The following GUK1 variants were observed in gnomAD, a reference collection of about 807,000 sequenced individuals.
GUK1 encodes the protein guanylate kinase 1, also known as guanylate kinase.
In GUK1, 18 loss-of-function variants were observed where a neutral mutation model predicts 25.2. The ratio of observed to expected loss-of-function variants is 0.71; its 90% confidence interval spans 0.49 to 1.06. The LOEUF (loss-of-function observed/expected upper bound fraction) is 1.06. GUK1 is among the 50% of genes least tolerant of loss of function. The pLI, the probability that GUK1 is intolerant of heterozygous loss-of-function variation, is 0.00. For synonymous variants in GUK1, 105 were observed against 117.6 expected (o/e 0.89, Z 0.69); for missense variants, 261 against 276.7 (o/e 0.94, Z 0.40).
intron 5 of GUK1, among the ~76,000 whole-genome samples, 190 bp downstream of exon 4, chr1:228,147,128 G>A (rs918434055): frequency 1.3e-5 from 2 of 152,208 alleles, no homozygotes; most frequent in Non-Finnish European, 2.9e-5. Context: ...TGCTGGGCCC[G>A]GTCCTGCCAC....
At chr1:228,143,032 G>A (rs973644736) in intron 2 of GUK1, among the ~76,000 whole-genome samples, 3 of 152,162 alleles carry the variant, frequency 2.0e-5, no homozygotes, top group African/African-American at 7.2e-5. Context: ...GGGCGAACTG[G>A]TGTCTTCTGC....
rs1030393557 is a variant in GUK1 at position 228,148,892 on chromosome 1, C to T, written c.*195C>T. 16 of 1,396,300 alleles carry T rather than the reference C, an allele frequency of 1.1e-5. 1 individual carries two copies. Among genetic ancestry groups the T allele is most frequent in the Middle Eastern group, 3.6e-4 (2 of 5,572 alleles). The allele number at this position is 1,396,300 out of a possible 1,614,324, so 86.5% of individuals were successfully genotyped here. A position where few individuals can be genotyped will look rare whatever the true frequency, so the allele number is the denominator to read the frequency against. ...TCGCTGGGCTGTCCCCTGTCCCTAT[C>T]TCTCACTCTGGACCCAGGGCTGACA... On this transcript the variant is annotated 3_prime_UTR_variant, in exon 9 of 9. Coordinates refer to ENST00000312726, the MANE Select transcript of GUK1 (RefSeq NM_000858.7).
chr1:228,148,827 C>A lies in GUK1; in HGVS notation c.*130C>A. On this transcript the variant is annotated 3_prime_UTR_variant, in exon 9 of 9. Coordinates refer to ENST00000312726, the MANE Select transcript of GUK1 (RefSeq NM_000858.7). ...CATGTGGAGTGGAGGAGATGCTGCC[C>A]CTGTGGTTGGAACATCCTGGGGTGA... The A allele has an allele frequency of 6.4e-7, 1 of 1,560,894 alleles. No homozygotes were observed.
chr1:228,145,683 G>A (rs2034328109), intron 3 of GUK1, 59 bp downstream of exon 2: 1 of 1,565,792 alleles, frequency 6.4e-7, no homozygotes, highest in South Asian at 1.2e-5. Context: ...AGTAGTCCTA[G>A]CACCGTGAGC....
chr1:228,142,974 C>T (rs74140995), intron 2 of GUK1, among the ~76,000 whole-genome samples: 268 of 152,198 alleles, frequency 1.8e-3, no homozygotes, highest in African/African-American at 6.3e-3. Flanking sequence ...GCTGTGCAGA[C>T]GACGCCCTTG....
chr1:228,146,500 A>G, intron 4 of GUK1: 1 of 433,582 alleles, frequency 2.3e-6, no homozygotes, highest in Non-Finnish European at 4.2e-6. Flanking sequence ...ACCCCACCAC[A>G]TCGTCCCCTC....
At chr1:228,147,291 C>A in intron 5 of GUK1, 115 bp from the exon 5 acceptor site, 2 of 1,022,104 alleles carry the variant, frequency 2.0e-6, no homozygotes, top group Non-Finnish European at 2.9e-6. Flanking sequence ...CCAGGCCAGG[C>A]CTAGGCTCAG....
At chr1:228,142,591 G>A (rs993722767) in intron 2 of GUK1, among the ~76,000 whole-genome samples, 4 of 152,170 alleles carry the variant, frequency 2.6e-5, no homozygotes, top group Non-Finnish European at 5.9e-5. Flanking sequence ...GCCCACCAGC[G>A]TCTGCTGTCT....
At chr1:228,140,469 C>A in intron 1 of GUK1, 106 bp downstream of exon 1, 1 of 796,040 alleles carries the variant, frequency 1.3e-6, no homozygotes, top group South Asian at 1.9e-5. Context: ...TCCTCCTAGC[C>A]GAGACGCCCT....
rs1186770781 is a variant in GUK1, at chr1:228,148,771, GGCGATACGGCA to G, written c.*77_*87del. ...GCAGCATTGAGCCACCCCCTTGGCA[GGCGATACGGCA>G]GCTCTGTGCCCTTGGCCAGCATGTG... On this transcript the variant is annotated 3_prime_UTR_variant, in exon 9 of 9. Transcript: ENST00000312726. 1.2e-6 allele frequency: 2 copies of G among 1,609,618 alleles called. No homozygotes were observed. Among genetic ancestry groups the G allele is most frequent in the East Asian group, 4.5e-5 (2 of 44,680 alleles).
At chr1:228,143,451 A>G (rs893828019) in intron 2 of GUK1, among the ~76,000 whole-genome samples, 4 of 152,298 alleles carry the variant, frequency 2.6e-5, no homozygotes, top group African/African-American at 9.6e-5. Flanking sequence ...TCAAGTCATA[A>G]TTTCTGTGAT....
chr1:228,145,762 C>A (rs1453020402), intron 3 of GUK1, 138 bp downstream of exon 2: 2 of 1,019,558 alleles, frequency 2.0e-6, no homozygotes, highest in African/African-American at 1.6e-5. Context: ...ACACTCCCCC[C>A]CACACAGAAC....
chr1:228,141,584 C>T (rs1330437328), intron 2 of GUK1: 12 of 1,014,302 alleles, frequency 1.2e-5, no homozygotes, highest in Middle Eastern at 3.0e-4. Context: ...GTTAGCATCT[C>T]CTCGAACAGT....
intron 2 of GUK1, among the ~76,000 whole-genome samples, chr1:228,143,435 A>G (rs1247703975): frequency 6.6e-6 from 1 of 152,216 alleles, no homozygotes; most frequent in Non-Finnish European, 1.5e-5. Flanking sequence ...AGTCACCATA[A>G]TACCATCAAG....
In GUK1 at chr1:228,148,691, C is replaced by T. The variant is rs1203307584; in HGVS notation, c.588C>T (p.Gly196=). The T allele has an allele frequency of 3.2e-5, 51 of 1,602,032 alleles. No homozygotes were observed. Among genetic ancestry groups the T allele is most frequent in the Admixed American group, 6.7e-5 (4 of 59,896 alleles). The change falls in exon 9 of 9, where the codon GGC becomes GGT. Residue 196 remains glycine (G), a synonymous_variant. Transcript: ENST00000312726. ...AAATCAAGAAAGCTCAAAGGACCGG[C>T]GCCTGAGGCTTGCTGTCTGTTCTCG...
Position 228,141,133 on chromosome 1 carries a change from G to A in GUK1, c.-158G>A. Reference sequence around the variant, plus strand: ...CCCCTTCCTGTCTCAGGCTTGCTCTGCTCTTTACCTGGGGTTGCTGTCGAG... The same window carrying A: ...CCCCTTCCTGTCTCAGGCTTGCTCTACTCTTTACCTGGGGTTGCTGTCGAG... On this transcript the variant is annotated 5_prime_UTR_variant, in exon 2 of 9. Transcript: ENST00000312726. 1 of 985,724 alleles carries A rather than the reference G, an allele frequency of 1.0e-6. No individual in the cohort carries two copies. Among genetic ancestry groups the A allele is most frequent in the Non-Finnish European group, 1.2e-6 (1 of 830,134 alleles). 61.1% of individuals were successfully genotyped at this position (985,724 alleles called of 1,614,324 possible).
chr1:228,145,340 A>G, intron 2 of GUK1, 171 bp from the exon 2 acceptor site: 1 of 619,632 alleles, frequency 1.6e-6, no homozygotes, highest in South Asian at 2.5e-5. Flanking sequence ...GGCCCTTCCA[A>G]CGTGGCAGAG....
chr1:228,148,283 A>G (rs2034513615), intron 7 of GUK1, 88 bp from the exon 7 acceptor site: 1 of 940,146 alleles, frequency 1.1e-6, no homozygotes, highest in Non-Finnish European at 1.7e-6. Context: ...GGACAGCCGC[A>G]GGCCAGTGGG....
At chr1:228,145,359 G>T (rs1023368030) in intron 2 of GUK1, 152 bp from the exon 2 acceptor site, 2 of 768,232 alleles carry the variant, frequency 2.6e-6, no homozygotes, top group Non-Finnish European at 3.9e-6. Flanking sequence ...AGCTCAGGGG[G>T]AAGAACACCC....
Sources: allele counts gnomAD v4.1 joint callset (sites outside exome capture counted in the v4.1 genomes callset), GRCh38; gene constraint gnomAD v4.1.1; transcripts MANE v1.5; gene names NCBI Gene and HGNC (gene_info 2026-07-23, HGNC 2026-07-21).